Variants in RBFOX1 observed in about 807,000 individuals in gnomAD.
RBFOX1 encodes RNA binding protein fox-1 homolog 1.
In RBFOX1, 8 loss-of-function variants were observed where a neutral mutation model predicts 57.7. The observed-to-expected ratio is 0.14, with a 90% confidence interval of 0.08 to 0.25. The LOEUF (loss-of-function observed/expected upper bound fraction) is 0.25. RBFOX1 is among the 10% of genes least tolerant of loss of function. The pLI is 1.00. For missense variants in RBFOX1, 611 were observed against 548.5 expected (o/e 1.11, Z -1.14); for synonymous variants, 326 against 222.4 (o/e 1.47, Z -4.15).
intron 2 of RBFOX1, among the ~76,000 whole-genome samples, chr16:5,483,412 T>A (rs1172561487): frequency 6.6e-6 from 1 of 152,174 alleles, no homozygotes; most frequent in Non-Finnish European, 1.5e-5. Context: ...ACTAATCCCA[T>A]GAGGCATTTT....
intron 4 of RBFOX1, among the ~76,000 whole-genome samples, chr16:7,164,080 A>G (rs1364553140): frequency 4.6e-5 from 7 of 152,174 alleles, no homozygotes; most frequent in Non-Finnish European, 1.0e-4. Context: ...AGCAGTGTAC[A>G]CTGTACCCAG....
intron 1 of RBFOX1, among the ~76,000 whole-genome samples, chr16:6,102,200 C>G (rs957994943): frequency 6.7e-6 from 1 of 149,512 alleles, no homozygotes; most frequent in East Asian, 2.0e-4. Flanking sequence ...AAAAAATGCA[C>G]CCAGAAATGC....
chr16:6,671,695 A>G (rs1032427302), intron 3 of RBFOX1, among the ~76,000 whole-genome samples: 1 of 152,162 alleles, frequency 6.6e-6, no homozygotes, highest in Admixed American at 6.5e-5. Flanking sequence ...GCTCCCACTT[A>G]GGAGTGAGGA....
intron 1 of RBFOX1, among the ~76,000 whole-genome samples, chr16:5,389,123 G>A (rs1480937779): frequency 4.6e-5 from 7 of 151,738 alleles, no homozygotes; most frequent in Admixed American, 2.6e-4. Context: ...CCCGGGAGGC[G>A]GAGCTTGCAG....
intron 4 of RBFOX1, among the ~76,000 whole-genome samples, chr16:7,156,787 A>G (rs556794602): frequency 6.6e-6 from 1 of 152,248 alleles, no homozygotes; most frequent in South Asian, 2.1e-4. Context: ...GCATCTGTGT[A>G]TACTTCTATC....
chr16:5,270,736 A>G (rs2062983309), intron 1 of RBFOX1: 3 of 482,896 alleles, frequency 6.2e-6, no homozygotes, highest in Non-Finnish European at 1.2e-5. Flanking sequence ...CAATAAATTG[A>G]TACCAGATAA....
At chr16:6,601,727 A>G (rs959765100) in intron 2 of RBFOX1, among the ~76,000 whole-genome samples, 4 of 152,120 alleles carry the variant, frequency 2.6e-5, no homozygotes, top group African/African-American at 7.2e-5. Context: ...TCCCGGGTAT[A>G]TTTGTTGAGG....
chr16:6,674,567 C>A (rs2098788923), intron 3 of RBFOX1, among the ~76,000 whole-genome samples: 1 of 152,246 alleles, frequency 6.6e-6, no homozygotes, highest in South Asian at 2.1e-4. Flanking sequence ...AGTGATCCAC[C>A]CACCTCAGCC....
At chr16:6,564,953 C>A (rs1418789571) in intron 2 of RBFOX1, among the ~76,000 whole-genome samples, 4 of 151,876 alleles carry the variant, frequency 2.6e-5, no homozygotes, top group Non-Finnish European at 4.4e-5. Flanking sequence ...TCAGCTTGGC[C>A]AACATGGTGA....
chr16:7,155,713 ATATATATAT>A (rs1321418722), intron 4 of RBFOX1, among the ~76,000 whole-genome samples: 1 of 73,440 alleles, frequency 1.4e-5, no homozygotes, highest in African/African-American at 6.1e-5. Flanking sequence ...AAAAAAAAAA[ATATATATAT>A]ATATATATAT....
chr16:7,466,639 G>A (rs1028300319), intron 4 of RBFOX1, among the ~76,000 whole-genome samples: 3 of 152,164 alleles, frequency 2.0e-5, no homozygotes, highest in African/African-American at 7.2e-5. Context: ...TGTGTCCTTA[G>A]CAAGGCATGT....
intron 2 of RBFOX1, among the ~76,000 whole-genome samples, chr16:5,597,059 G>A (rs2047205701): frequency 6.6e-6 from 1 of 152,182 alleles, no homozygotes; most frequent in Non-Finnish European, 1.5e-5. Flanking sequence ...CTCATTATAA[G>A]TTCAGAAACG....
At chr16:5,412,213 A>G (rs2067040387) in intron 1 of RBFOX1, among the ~76,000 whole-genome samples, 1 of 151,774 alleles carries the variant, frequency 6.6e-6, no homozygotes, top group African/African-American at 2.4e-5. Context: ...TGCTATGAGA[A>G]CTTGGGACAG....
chr16:6,797,390 G>C (rs2084321573), intron 3 of RBFOX1, among the ~76,000 whole-genome samples: 1 of 150,828 alleles, frequency 6.6e-6, no homozygotes, highest in African/African-American at 2.5e-5. Flanking sequence ...GTGGTCGAAA[G>C]AGAGAGCGAG....
In RBFOX1 at chr16:6,862,336, C is replaced by A. The variant is rs117074181; in HGVS notation, c.-15-189721C>A. 4.9e-4 allele frequency among the ~76,000 whole-genome samples: 74 copies of A among 152,202 alleles called. 1 individual carries two copies. Among genetic ancestry groups the A allele is most frequent in the African/African-American group, 1.8e-3 (73 of 41,526 alleles). ...GAACAAGCTCACAGGCGATGCTGAT[C>A]GTGCAGGTTCCTGGAAGCACATTTT... On this transcript the variant is annotated intron_variant, in intron 3 of 15. Coordinates refer to ENST00000550418, the MANE Select transcript of RBFOX1 (RefSeq NM_018723.4).
At chr16:6,570,497 A>G (rs7204846) in intron 2 of RBFOX1, among the ~76,000 whole-genome samples, 1 of 151,596 alleles carries the variant, frequency 6.6e-6, no homozygotes, top group Non-Finnish European at 1.5e-5. Flanking sequence ...TACTCTCTCT[A>G]TATATATATA....
At chr16:7,446,550 C>T (rs1346170480) in intron 4 of RBFOX1, among the ~76,000 whole-genome samples, 1 of 152,114 alleles carries the variant, frequency 6.6e-6, no homozygotes, top group African/African-American at 2.4e-5. Flanking sequence ...TGCATTTCTA[C>T]CATACACTAA....
At chr16:6,538,625 C>T (rs758171774) in intron 2 of RBFOX1, among the ~76,000 whole-genome samples, 3 of 152,166 alleles carry the variant, frequency 2.0e-5, no homozygotes, top group Non-Finnish European at 2.9e-5. Context: ...AACTGAAATT[C>T]TCAAATATTG....
intron 4 of RBFOX1, among the ~76,000 whole-genome samples, chr16:7,385,006 C>T (rs910873435): frequency 6.6e-6 from 1 of 152,076 alleles, no homozygotes; most frequent in African/African-American, 2.4e-5. Context: ...CAAATCATGC[C>T]AAGGCAGAGA....
Sources: allele counts gnomAD v4.1 joint callset (sites outside exome capture counted in the v4.1 genomes callset), GRCh38; gene constraint gnomAD v4.1.1; transcripts MANE v1.5; gene names NCBI Gene and HGNC (gene_info 2026-07-23, HGNC 2026-07-21).